The following DCAF8L2 variants were observed in gnomAD, a reference collection of about 807,000 sequenced individuals.
DCAF8L2 encodes DDB1- and CUL4-associated factor 8-like protein 2.
For synonymous variants in DCAF8L2, 200 were observed against 190.9 expected, an observed-to-expected ratio of 1.05 and a Z score of -0.39; for missense variants, 430 against 490.7, an observed-to-expected ratio of 0.88 and a Z score of 1.17.
chrX:27,583,161 A>G, the DCAF8L2 span, among the ~76,000 whole-genome samples: 1 of 110,995 alleles, frequency 9.0e-6, no homozygotes, highest in Non-Finnish European at 1.9e-5. Context: ...CTGGGTATTC[A>G]TTTTCTCCTG....
At chrX:27,669,758 A>G (rs1031607355) in intron 2 of DCAF8L2, among the ~76,000 whole-genome samples, 1 of 110,759 alleles carries the variant, frequency 9.0e-6, no homozygotes, top group South Asian at 3.8e-4. Context: ...TTTGCTGAGA[A>G]TGATGGTTTC....
chrX:27,592,217 G>A (rs1239875294), intron 1 of DCAF8L2, among the ~76,000 whole-genome samples: 2 of 111,615 alleles, frequency 1.8e-5, no homozygotes, highest in Admixed American at 1.9e-4. Context: ...CTCCTGCCTC[G>A]TCATAGTACC....
At chrX:27,508,685 G>A in the DCAF8L2 span, among the ~76,000 whole-genome samples, 1 of 102,969 alleles carries the variant, frequency 9.7e-6, no homozygotes, top group South Asian at 4.7e-4. Flanking sequence ...GTCATCAAAG[G>A]AATAGGCTAA....
At chrX:27,484,545 T>C in the DCAF8L2 span, among the ~76,000 whole-genome samples, 368 of 111,770 alleles carry the variant, frequency 3.3e-3, 2 homozygotes, top group African/African-American at 0.011. Context: ...CTGTATTCTT[T>C]ATAGATATTA....
intron 3 of DCAF8L2, among the ~76,000 whole-genome samples, chrX:27,704,173 T>TATATATATATATATATATATATATAC (rs757835089): frequency 6.8e-5 from 3 of 44,274 alleles, no homozygotes; most frequent in African/African-American, 4.4e-4. Flanking sequence ...TATATATATA[T>TATATATATATATATATATATATATAC]ACATATACAC....
intron 2 of DCAF8L2, among the ~76,000 whole-genome samples, chrX:27,635,785 ACG>A (rs1928472737): frequency 2.4e-5 from 2 of 84,844 alleles, no homozygotes; most frequent in African/African-American, 9.6e-5. Context: ...ATTTCCTTTT[ACG>A]TGTGTGTGTG....
intron 3 of DCAF8L2, among the ~76,000 whole-genome samples, chrX:27,702,565 A>G (rs1931171264): frequency 1.8e-5 from 2 of 111,313 alleles, no homozygotes; most frequent in South Asian, 7.4e-4. Flanking sequence ...GAAGCAATTG[A>G]TTTAATATAT....
At chrX:27,513,667 TG>T in the DCAF8L2 span, among the ~76,000 whole-genome samples, 1 of 103,250 alleles carries the variant, frequency 9.7e-6, no homozygotes, top group Non-Finnish European at 2.0e-5. Flanking sequence ...ATCACACCAC[TG>T]CACTACAGCC....
intron 1 of DCAF8L2, among the ~76,000 whole-genome samples, chrX:27,604,778 C>T (rs1205585115): frequency 9.0e-6 from 1 of 111,621 alleles, no homozygotes; most frequent in Non-Finnish European, 1.9e-5. Context: ...CAGCATATTA[C>T]ATGGCTGGTA....
At chrX:27,580,331 T>G in the DCAF8L2 span, among the ~76,000 whole-genome samples, 3 of 111,605 alleles carry the variant, frequency 2.7e-5, no homozygotes. Flanking sequence ...GAGATGGGTA[T>G]GTTTTTTGCC....
At chrX:27,587,985 A>AAAAAATATATATATATATATATATATAT, upstream of DCAF8L2, among the ~76,000 whole-genome samples, 5 of 22,367 alleles carry the variant, frequency 2.2e-4, no homozygotes, top group Non-Finnish European at 4.6e-4. Context: ...TAAAAAAAAA[A>AAAAAATATATATATATATATATATATAT]ATATATATAT....
At chrX:27,699,856 A>C (rs1260158420) in intron 3 of DCAF8L2, among the ~76,000 whole-genome samples, 2 of 110,713 alleles carry the variant, frequency 1.8e-5, no homozygotes, top group Non-Finnish European at 3.8e-5. Flanking sequence ...GGGATATTCC[A>C]TCTCTACAAA....
At chrX:27,669,445 C>CTTAT (rs200113430) in intron 2 of DCAF8L2, among the ~76,000 whole-genome samples, 1,630 of 106,338 alleles carry the variant, frequency 0.015, 17 homozygotes, top group African/African-American at 0.032. Context: ...CCCAATATTT[C>CTTAT]TTATTTATTC....
chrX:27,723,769 C>T (rs1257805484), intron 4 of DCAF8L2, among the ~76,000 whole-genome samples: 2 of 111,243 alleles, frequency 1.8e-5, no homozygotes, highest in East Asian at 5.6e-4. Context: ...AACAGGATTA[C>T]TCATTGAGAC....
the DCAF8L2 span, among the ~76,000 whole-genome samples, chrX:27,523,561 C>T: frequency 9.2e-6 from 1 of 109,113 alleles, no homozygotes; most frequent in African/African-American, 3.3e-5. Flanking sequence ...ATAATTAAAG[C>T]AATATAATTT....
the DCAF8L2 span, among the ~76,000 whole-genome samples, chrX:27,484,947 G>A: frequency 8.9e-6 from 1 of 111,748 alleles, no homozygotes; most frequent in Non-Finnish European, 1.9e-5. Flanking sequence ...TCTTTACAAA[G>A]AGAACTGAAA....
At chrX:27,621,501 C>T (rs1275354250) in intron 1 of DCAF8L2, among the ~76,000 whole-genome samples, 2 of 111,121 alleles carry the variant, frequency 1.8e-5, no homozygotes, top group Non-Finnish European at 3.8e-5. Flanking sequence ...CTCCTCCTGC[C>T]CACCCACCAC....
rs150848307 is a variant in DCAF8L2 at position 27,700,171 on chromosome X, G to A, written c.-142-15917G>A. On this transcript the variant is annotated intron_variant, in intron 3 of 4. Coordinates refer to ENST00000451261, the MANE Select transcript of DCAF8L2 (RefSeq NM_001353450.2). ...TTCCTGGCCCCTAGTCTAAACCTTGGATCAACCCATCCAATGAAAGATTGT... is the reference window on the plus strand; with the variant it reads ...TTCCTGGCCCCTAGTCTAAACCTTGAATCAACCCATCCAATGAAAGATTGT... 2.0e-3 allele frequency among the ~76,000 whole-genome samples: 223 copies of A among 111,435 alleles called. 1 individual carries two copies. The highest frequency in any genetic ancestry group is 7.0e-3 in the African/African-American group (214 of 30,683).
At chrX:27,716,660 CTGTA>C (rs1056934078) in intron 4 of DCAF8L2, among the ~76,000 whole-genome samples, 2 of 112,290 alleles carry the variant, frequency 1.8e-5, no homozygotes, top group African/African-American at 6.5e-5. Flanking sequence ...GAAACTGAGA[CTGTA>C]TGTATTTCTG....
Sources: allele counts gnomAD v4.1 joint callset (sites outside exome capture counted in the v4.1 genomes callset), GRCh38; gene constraint gnomAD v4.1.1; transcripts MANE v1.5; gene names NCBI Gene and HGNC (gene_info 2026-07-23, HGNC 2026-07-21).